SPAG16: variants seen among roughly 807,000 people sequenced by gnomAD.
SPAG16 encodes sperm associated antigen 16, also known as sperm-associated antigen 16 protein.
A neutral mutation model predicts 80.4 loss-of-function variants in SPAG16; 86 were observed. The ratio of observed to expected loss-of-function variants is 1.07; its 90% CI spans 0.90 to 1.28. The LOEUF is 1.28. Ranked by LOEUF, SPAG16 falls within the 50% of genes most tolerant of loss-of-function variation. The pLI is 0.00. For synonymous variants in SPAG16, 294 were observed against 265.9 expected (o/e 1.11, Z -1.03); for missense variants, 870 against 765.3 (o/e 1.14, Z -1.61).
At chr2:213,886,772 A>G (rs2076572052) in intron 11 of SPAG16, among the ~76,000 whole-genome samples, 1 of 152,222 alleles carries the variant, frequency 6.6e-6, no homozygotes, top group Admixed American at 6.5e-5. Flanking sequence ...AATTTTTCCA[A>G]CCAAAAAAAA....
At chr2:213,630,680 T>G (rs2062117430) in intron 10 of SPAG16, among the ~76,000 whole-genome samples, 1 of 152,096 alleles carries the variant, frequency 6.6e-6, no homozygotes, top group South Asian at 2.1e-4. Context: ...TAAAAGTGAT[T>G]TAGAGACCTC....
intron 10 of SPAG16, among the ~76,000 whole-genome samples, chr2:213,757,795 T>C (rs771289992): frequency 1.2e-4 from 19 of 152,062 alleles, no homozygotes; most frequent in Non-Finnish European, 2.5e-4. Context: ...AAAGGACCTG[T>C]CATCCAAATA....
chr2:214,310,313 G>T lies in SPAG16; in HGVS notation c.1721-99827G>T, dbSNP rs187823694. Among the ~76,000 whole-genome samples the T allele has an allele frequency of 7.2e-5, 11 of 152,114 alleles. No individual in the cohort carries two copies. The East Asian group carries it at 1.9e-3, about 27-fold the overall frequency. On this transcript the variant is annotated intron_variant, in intron 15 of 15. Transcript: ENST00000331683. Reference sequence around the variant, plus strand: ...ACCGAGGCTCTGTATGAATTCATTGGTTATAGATAGCTTTTGTGTGGTGGC... The same window carrying T: ...ACCGAGGCTCTGTATGAATTCATTGTTTATAGATAGCTTTTGTGTGGTGGC...
intron 15 of SPAG16, among the ~76,000 whole-genome samples, chr2:214,206,026 C>T (rs113481453): frequency 9.6e-6 from 1 of 104,182 alleles, no homozygotes. Flanking sequence ...AACCCCGTCT[C>T]TACTAAAAAT....
At chr2:213,968,606 A>T (rs1188765591) in intron 12 of SPAG16, among the ~76,000 whole-genome samples, 3 of 152,230 alleles carry the variant, frequency 2.0e-5, no homozygotes, top group African/African-American at 7.2e-5. Context: ...GGCAATGATT[A>T]ACTAGACTTT....
At position 214,063,923 on chromosome 2, in the gene SPAG16, A is replaced by G. The variant is rs559450130; in HGVS notation, c.1528-44273A>G. On this transcript the variant is annotated intron_variant, in intron 13 of 15. Transcript: ENST00000331683. ...ATTTTCGACTGTTTTGTTAATTTAT[A>G]TACTCCCAACTTCTCATAATCTCTA... 1.3e-4 allele frequency among the ~76,000 whole-genome samples: 19 copies of G among 151,564 alleles called. 1 individual carries two copies. The South Asian group carries it at 4.2e-3, about 33-fold the overall frequency.
chr2:213,987,242 C>T (rs1480063107), intron 12 of SPAG16, among the ~76,000 whole-genome samples: 3 of 152,072 alleles, frequency 2.0e-5, no homozygotes, highest in African/African-American at 4.8e-5. Flanking sequence ...TGGTCTAACT[C>T]GGGCATGACA....
intron 10 of SPAG16, among the ~76,000 whole-genome samples, chr2:213,733,078 G>A (rs778228288): frequency 6.6e-6 from 1 of 152,186 alleles, no homozygotes; most frequent in East Asian, 1.9e-4. Flanking sequence ...TCTGACTGGT[G>A]TGAGATGGTA....
rs907010007 is a variant in SPAG16, at chr2:214,368,135, T to G, written c.1721-42005T>G. On this transcript the variant is annotated intron_variant, in intron 15 of 15. Coordinates refer to ENST00000331683, the MANE Select transcript of SPAG16 (RefSeq NM_024532.5). ...TTACATAAGCAAACCATTAAAATGCTCTCTATCAGTCCCTTGTCATTAGCA... is the reference window on the plus strand; with the variant it reads ...TTACATAAGCAAACCATTAAAATGCGCTCTATCAGTCCCTTGTCATTAGCA... 2.0e-5 allele frequency among the ~76,000 whole-genome samples: 3 copies of G among 152,234 alleles called. No homozygotes were observed. The East Asian group carries it at 5.8e-4, about 29-fold the overall frequency.
At chr2:213,958,742 T>C (rs1443393739) in intron 12 of SPAG16, among the ~76,000 whole-genome samples, 1 of 152,232 alleles carries the variant, frequency 6.6e-6, no homozygotes, top group East Asian at 1.9e-4. Context: ...TTTTTGACTT[T>C]TTTTTAATGT....
chr2:213,998,998 G>A (rs756272267), intron 12 of SPAG16, among the ~76,000 whole-genome samples: 19 of 152,250 alleles, frequency 1.2e-4, no homozygotes, highest in Admixed American at 7.2e-4. Context: ...AAGGGAAGCA[G>A]AGCATGAAAA....
In SPAG16 at chr2:214,320,403, A is replaced by T. The variant is rs373203279; in HGVS notation, c.1721-89737A>T. On this transcript the variant is annotated intron_variant, in intron 15 of 15. Coordinates refer to ENST00000331683, the MANE Select transcript of SPAG16 (RefSeq NM_024532.5). ...TCACATAGCATGTACCATACTATTT[A>T]ATTGCCTGTTTGTCTACATTCCTCC... Among the ~76,000 whole-genome samples the T allele has an allele frequency of 5.9e-5, 9 of 152,286 alleles. 1 individual carries two copies. Among genetic ancestry groups the T allele is most frequent in the African/African-American group, 2.2e-4 (9 of 41,556 alleles).
At chr2:213,859,115 G>T (rs2075301631) in intron 10 of SPAG16, among the ~76,000 whole-genome samples, 1 of 133,952 alleles carries the variant, frequency 7.5e-6, no homozygotes, top group African/African-American at 2.8e-5. Context: ...GGAGGGGGAG[G>T]TTGTAGTGAG....
At chr2:214,249,840 A>G (rs1559155140) in intron 15 of SPAG16, among the ~76,000 whole-genome samples, 2 of 152,150 alleles carry the variant, frequency 1.3e-5, no homozygotes, top group Non-Finnish European at 2.9e-5. Context: ...GAAGTACTAT[A>G]TTAGTTAGAA....
At chr2:214,227,350 A>G (rs2058719506) in intron 15 of SPAG16, among the ~76,000 whole-genome samples, 1 of 152,080 alleles carries the variant, frequency 6.6e-6, no homozygotes, top group Non-Finnish European at 1.5e-5. Flanking sequence ...CTACAAATAT[A>G]CCTAAAATCT....
At chr2:214,283,493 G>A (rs1470775247) in intron 15 of SPAG16, among the ~76,000 whole-genome samples, 2 of 152,028 alleles carry the variant, frequency 1.3e-5, no homozygotes, top group Admixed American at 6.6e-5. Context: ...AGGCCTATAA[G>A]TTTGATGCTA....
chr2:213,393,288 A>G (rs1285406702), intron 9 of SPAG16, among the ~76,000 whole-genome samples: 1 of 151,884 alleles, frequency 6.6e-6, no homozygotes, highest in African/African-American at 2.4e-5. Context: ...TTGATTTATG[A>G]AAAATAAGAA....
intron 15 of SPAG16, among the ~76,000 whole-genome samples, chr2:214,222,429 G>A (rs1168254698): frequency 6.6e-6 from 1 of 152,076 alleles, no homozygotes; most frequent in African/African-American, 2.4e-5. Context: ...CTATTCTTGA[G>A]CACATTGTAG....
chr2:213,712,397 A>G (rs776504036), intron 10 of SPAG16, among the ~76,000 whole-genome samples: 1 of 152,118 alleles, frequency 6.6e-6, no homozygotes. Context: ...TTAAAAAGAG[A>G]CTTCTACCCA....
Sources: gnomAD v4.1 joint callset for allele counts (sites outside exome capture counted in the v4.1 genomes callset) on GRCh38, gnomAD v4.1.1 for gene constraint, MANE v1.5 for transcripts, NCBI Gene and HGNC (gene_info 2026-07-23, HGNC 2026-07-21) for gene names.